The following FBXL17 variants were observed in gnomAD, a reference collection of about 807,000 sequenced individuals.
The protein encoded by FBXL17 is F-box and leucine rich repeat protein 17.
In FBXL17, 22 loss-of-function variants were observed where a neutral mutation model predicts 66.2. The ratio of observed to expected loss-of-function variants is 0.33; its 90% CI spans 0.24 to 0.47. The LOEUF is 0.47. FBXL17 is among the 20% of genes least tolerant of loss of function. The probability of loss-of-function intolerance (pLI) is 1.00; values close to 1 mark genes in which losing one functional copy is unlikely to be tolerated. For missense variants in FBXL17, 878 were observed against 948.2 expected, an observed-to-expected ratio of 0.93 and a Z score of 0.97; for synonymous variants, 474 against 400.5, an observed-to-expected ratio of 1.18 and a Z score of -2.19.
intron 7 of FBXL17, among the ~76,000 whole-genome samples, chr5:107,970,921 G>C (rs1045112522): frequency 6.6e-6 from 1 of 152,192 alleles, no homozygotes; most frequent in Admixed American, 6.5e-5. Context: ...CGTCAGTTAA[G>C]TAGAAAATTG....
intron 7 of FBXL17, among the ~76,000 whole-genome samples, chr5:107,963,633 A>C (rs1352000563): frequency 1.3e-5 from 2 of 152,142 alleles, no homozygotes; most frequent in Admixed American, 6.6e-5. Flanking sequence ...TTATTGTAAG[A>C]GTTAGTGATA....
intron 7 of FBXL17, among the ~76,000 whole-genome samples, chr5:107,889,588 G>GC (rs1319399679): frequency 6.6e-6 from 1 of 152,200 alleles, no homozygotes; most frequent in Non-Finnish European, 1.5e-5. Flanking sequence ...CACAAAGGGA[G>GC]CAAGCTAGCT....
intron 7 of FBXL17, among the ~76,000 whole-genome samples, chr5:107,982,889 T>C (rs370637026): frequency 6.6e-6 from 1 of 152,172 alleles, no homozygotes; most frequent in Non-Finnish European, 1.5e-5. Context: ...CTGACTACAG[T>C]GCTCCTCCCA....
chr5:107,966,766 T>G (rs1239820188), intron 7 of FBXL17, among the ~76,000 whole-genome samples: 1 of 152,158 alleles, frequency 6.6e-6, no homozygotes, highest in Non-Finnish European at 1.5e-5. Flanking sequence ...ATTGTACAAC[T>G]ATCACCACAT....
chr5:107,941,157 T>C (rs1453630389), intron 7 of FBXL17, among the ~76,000 whole-genome samples: 2 of 151,970 alleles, frequency 1.3e-5, no homozygotes, highest in African/African-American at 4.8e-5. Context: ...TGCGATTACA[T>C]TTCAGAGTTA....
chr5:107,996,191 C>T (rs1334645851), intron 7 of FBXL17, among the ~76,000 whole-genome samples: 4 of 152,158 alleles, frequency 2.6e-5, no homozygotes, highest in African/African-American at 9.7e-5. Context: ...CTGAGTTCTC[C>T]TGTCCAAATC....
At chr5:108,372,166 A>C (rs958782073) in intron 1 of FBXL17, among the ~76,000 whole-genome samples, 2 of 152,194 alleles carry the variant, frequency 1.3e-5, no homozygotes, top group South Asian at 4.1e-4. Flanking sequence ...TTATAATCAT[A>C]TCTCTTTCTT....
chr5:108,235,955 G>A (rs892869462), intron 4 of FBXL17, among the ~76,000 whole-genome samples: 1 of 152,214 alleles, frequency 6.6e-6, no homozygotes. Context: ...CACACAAGTA[G>A]TGGCTAAGAA....
At chr5:108,107,418 A>C (rs530034724) in intron 6 of FBXL17, among the ~76,000 whole-genome samples, 1 of 152,318 alleles carries the variant, frequency 6.6e-6, no homozygotes, top group South Asian at 2.1e-4. Context: ...TAACGACACA[A>C]ATGCTTTTTA....
intron 6 of FBXL17, among the ~76,000 whole-genome samples, chr5:108,180,136 CA>C (rs1220064056): frequency 6.6e-6 from 1 of 152,148 alleles, no homozygotes; most frequent in Non-Finnish European, 1.5e-5. Flanking sequence ...ATATGCCAAA[CA>C]AAACAGCTTT....
intron 4 of FBXL17, among the ~76,000 whole-genome samples, chr5:108,282,552 T>A (rs1757741947): frequency 6.6e-6 from 1 of 151,590 alleles, no homozygotes; most frequent in African/African-American, 2.4e-5. Context: ...AAACCACAGC[T>A]AACATAATAC....
intron 7 of FBXL17, among the ~76,000 whole-genome samples, chr5:108,018,406 C>T (rs533783005): frequency 4.2e-4 from 64 of 152,224 alleles, no homozygotes; most frequent in African/African-American, 1.4e-3. Flanking sequence ...TCTCTGGTTA[C>T]AATGAATAAT....
At chr5:108,040,565 T>C (rs1324854281) in intron 6 of FBXL17, among the ~76,000 whole-genome samples, 1 of 152,206 alleles carries the variant, frequency 6.6e-6, no homozygotes, top group Non-Finnish European at 1.5e-5. Flanking sequence ...AGACGATATA[T>C]ATTTTCCCTG....
At chr5:108,047,471 T>C (rs1747297858) in intron 6 of FBXL17, among the ~76,000 whole-genome samples, 1 of 152,126 alleles carries the variant, frequency 6.6e-6, no homozygotes, top group Non-Finnish European at 1.5e-5. Flanking sequence ...GCTTGCTGTT[T>C]AAGTCCTGTG....
chr5:107,954,765 T>G (rs542108943), intron 7 of FBXL17, among the ~76,000 whole-genome samples: 2 of 152,092 alleles, frequency 1.3e-5, no homozygotes, highest in East Asian at 3.9e-4. Flanking sequence ...GAAGGACAAT[T>G]GAGATAAATT....
At chr5:108,246,075 C>T (rs1403353628) in intron 4 of FBXL17, among the ~76,000 whole-genome samples, 1 of 152,204 alleles carries the variant, frequency 6.6e-6, no homozygotes, top group East Asian at 1.9e-4. Context: ...TTTCCTCTAA[C>T]TACAGGAATT....
chr5:107,902,387 C>T lies in FBXL17; in HGVS notation c.1823-21208G>A, dbSNP rs149528222. Among the ~76,000 whole-genome samples, 828 of 152,262 alleles carry T rather than the reference C, an allele frequency of 5.4e-3. 7 individuals are homozygous for T. Among genetic ancestry groups the T allele is most frequent in the African/African-American group, 0.019 (793 of 41,554 alleles). ...AATCAATAAATTAATTTATCCAATA[C>T]ATCATCACAGCAGGTTTTTAAAGAA... On this transcript the variant is annotated intron_variant, in intron 7 of 8. Transcript: ENST00000542267.
intron 7 of FBXL17, among the ~76,000 whole-genome samples, chr5:107,938,872 G>A (rs968451320): frequency 5.3e-5 from 8 of 151,964 alleles, no homozygotes; most frequent in Non-Finnish European, 1.0e-4. Flanking sequence ...AATTAAATAG[G>A]AAAACAATTA....
At chr5:108,004,020 G>C (rs28658262) in intron 7 of FBXL17, among the ~76,000 whole-genome samples, 23,493 of 152,022 alleles carry the variant, frequency 0.15, 5,023 homozygotes, top group African/African-American at 0.48. Context: ...CATAGGAAGA[G>C]ATATAACAGA....
Sources: gnomAD v4.1 joint callset for allele counts (sites outside exome capture counted in the v4.1 genomes callset) on GRCh38, gnomAD v4.1.1 for gene constraint, MANE v1.5 for transcripts, NCBI Gene and HGNC (gene_info 2026-07-23, HGNC 2026-07-21) for gene names.